The following KCNQ5 variants were observed in gnomAD, a reference collection of about 807,000 sequenced individuals.
KCNQ5 encodes potassium voltage-gated channel subfamily KQT member 5.
KCNQ5 carries 30 observed loss-of-function variants against 98.2 expected under a neutral mutation model. The ratio of observed to expected loss-of-function variants is 0.31; its 90% CI spans 0.23 to 0.41. The LOEUF is 0.41. Among genes scored for constraint, KCNQ5 ranks in the 10% least tolerant of loss-of-function variants. The pLI is 1.00. For missense variants in KCNQ5, 835 were observed against 1,182.5 expected, an observed-to-expected ratio of 0.71 and a Z score of 4.31; for synonymous variants, 458 against 449.4, an observed-to-expected ratio of 1.02 and a Z score of -0.24.
At chr6:72,918,302 C>T (rs1348045180) in intron 1 of KCNQ5, among the ~76,000 whole-genome samples, 4 of 152,074 alleles carry the variant, frequency 2.6e-5, no homozygotes, top group Non-Finnish European at 5.9e-5. Flanking sequence ...TATGGGACCC[C>T]TGTTTTTCAC....
At chr6:72,854,686 G>A (rs1028492387) in intron 1 of KCNQ5, among the ~76,000 whole-genome samples, 4 of 147,322 alleles carry the variant, frequency 2.7e-5, no homozygotes, top group Admixed American at 2.7e-4. Context: ...TAAATGACTT[G>A]TTAAGGAGTT....
intron 1 of KCNQ5, among the ~76,000 whole-genome samples, chr6:72,908,384 C>T (rs958834997): frequency 3.3e-5 from 5 of 152,042 alleles, no homozygotes; most frequent in East Asian, 1.9e-4. Flanking sequence ...AGTAATTATG[C>T]GAGATAATAG....
At chr6:73,035,807 A>G (rs78756688) in intron 2 of KCNQ5, among the ~76,000 whole-genome samples, 3,960 of 152,212 alleles carry the variant, frequency 0.026, 160 homozygotes, top group African/African-American at 0.09. Flanking sequence ...TGTTATTGAG[A>G]TAATTGTAGA....
chr6:73,066,018 C>T (rs1030380895), intron 3 of KCNQ5, among the ~76,000 whole-genome samples: 17 of 152,118 alleles, frequency 1.1e-4, no homozygotes, highest in African/African-American at 4.1e-4. Context: ...TGGTGGTGCA[C>T]ACCTGTAATC....
intron 1 of KCNQ5, among the ~76,000 whole-genome samples, chr6:72,649,732 C>T (rs928500114): frequency 6.6e-6 from 1 of 152,064 alleles, no homozygotes; most frequent in Non-Finnish European, 1.5e-5. Context: ...AAGCATTACA[C>T]GTGAAAAGGA....
chr6:72,731,942 T>A (rs912431034), intron 1 of KCNQ5, among the ~76,000 whole-genome samples: 1 of 152,216 alleles, frequency 6.6e-6, no homozygotes, highest in Non-Finnish European at 1.5e-5. Flanking sequence ...GTTATCATGT[T>A]TTAGAATAAT....
chr6:73,060,871 G>A (rs1443619297), intron 3 of KCNQ5, among the ~76,000 whole-genome samples: 1 of 152,158 alleles, frequency 6.6e-6, no homozygotes, highest in Non-Finnish European at 1.5e-5. Context: ...ACACTTTATT[G>A]ATGAGACTGC....
At chr6:72,923,082 G>C (rs1780479246) in intron 1 of KCNQ5, among the ~76,000 whole-genome samples, 1 of 151,936 alleles carries the variant, frequency 6.6e-6, no homozygotes, top group Non-Finnish European at 1.5e-5. Flanking sequence ...AAAGTGCTGG[G>C]ATTACAGATG....
intron 1 of KCNQ5, chr6:72,987,361 A>AGATC: frequency 1.4e-6 from 1 of 717,166 alleles, no homozygotes; most frequent in East Asian, 3.0e-5. Context: ...TTGCAAGGAG[A>AGATC]GATCGATCGA....
intron 1 of KCNQ5, among the ~76,000 whole-genome samples, chr6:72,922,251 T>C (rs1447834056): frequency 6.6e-6 from 1 of 152,228 alleles, no homozygotes; most frequent in Non-Finnish European, 1.5e-5. Flanking sequence ...TGTTATATAA[T>C]GCTCTACTTT....
intron 2 of KCNQ5, among the ~76,000 whole-genome samples, chr6:73,006,120 TAGA>T (rs1169899740): frequency 7.2e-5 from 11 of 152,204 alleles, no homozygotes; most frequent in African/African-American, 1.9e-4. Flanking sequence ...CAATCATTTG[TAGA>T]AGATTTGGAA....
At chr6:73,001,893 G>A (rs1432679535) in intron 1 of KCNQ5, among the ~76,000 whole-genome samples, 1 of 152,120 alleles carries the variant, frequency 6.6e-6, no homozygotes. Flanking sequence ...GCTGAGGTGG[G>A]AGGATCCCTT....
intron 1 of KCNQ5, among the ~76,000 whole-genome samples, chr6:72,951,558 C>T (rs1040841344): frequency 5.9e-5 from 9 of 151,650 alleles, no homozygotes; most frequent in South Asian, 2.1e-4. Context: ...GCTGGGATTA[C>T]GGGTGTGAGC....
At chr6:73,031,652 T>G (rs1194609841) in intron 2 of KCNQ5, among the ~76,000 whole-genome samples, 1 of 152,200 alleles carries the variant, frequency 6.6e-6, no homozygotes, top group Non-Finnish European at 1.5e-5. Flanking sequence ...TCTAGTGGTG[T>G]GTCTTATCTT....
intron 1 of KCNQ5, among the ~76,000 whole-genome samples, chr6:72,940,853 T>C (rs1562081619): frequency 6.6e-6 from 1 of 152,138 alleles, no homozygotes; most frequent in African/African-American, 2.4e-5. Context: ...TTAAATAAGG[T>C]AATACATGCA....
intron 1 of KCNQ5, among the ~76,000 whole-genome samples, chr6:72,869,398 T>C (rs891460981): frequency 1.3e-5 from 2 of 152,132 alleles, no homozygotes; most frequent in African/African-American, 2.4e-5. Flanking sequence ...AAAATGAAAA[T>C]ATTAGGTTAG....
chr6:72,983,869 C>T (rs1768604122), intron 1 of KCNQ5, among the ~76,000 whole-genome samples: 1 of 152,086 alleles, frequency 6.6e-6, no homozygotes, highest in African/African-American at 2.4e-5. Flanking sequence ...GTGTGGATGT[C>T]CTTTTTGTGG....
chr6:72,691,792 A>G (rs1768225117), intron 1 of KCNQ5, among the ~76,000 whole-genome samples: 1 of 152,170 alleles, frequency 6.6e-6, no homozygotes, highest in Admixed American at 6.5e-5. Flanking sequence ...TGTAATATGA[A>G]TTCATGTCAT....
intron 1 of KCNQ5, among the ~76,000 whole-genome samples, chr6:72,901,063 G>C (rs769060294): frequency 4.6e-5 from 7 of 151,648 alleles, no homozygotes; most frequent in Non-Finnish European, 1.0e-4. Context: ...TGCCATGTTG[G>C]TGTGCTGCAC....
Sources: allele counts gnomAD v4.1 joint callset (sites outside exome capture counted in the v4.1 genomes callset), GRCh38; gene constraint gnomAD v4.1.1; transcripts MANE v1.5; gene names NCBI Gene and HGNC (gene_info 2026-07-23, HGNC 2026-07-21).